Variants in ERBB4 observed in about 807,000 individuals in gnomAD.
The protein encoded by ERBB4 is erb-b2 receptor tyrosine kinase 4.
In ERBB4, 42 loss-of-function variants were observed where a neutral mutation model predicts 158.0. The observed-to-expected ratio is 0.27, with a 90% CI of 0.21 to 0.34. The LOEUF is 0.34. ERBB4 is among the 10% of genes least tolerant of loss of function. ERBB4 has a pLI of 1.00. For synonymous variants in ERBB4, 583 were observed against 558.7 expected, an observed-to-expected ratio of 1.04 and a Z score of -0.61; for missense variants, 1,333 against 1,624.1, an observed-to-expected ratio of 0.82 and a Z score of 3.08.
chr2:211,407,020 C>T (rs1559136445), intron 25 of ERBB4, among the ~76,000 whole-genome samples: 1 of 151,988 alleles, frequency 6.6e-6, no homozygotes, highest in Non-Finnish European at 1.5e-5. Flanking sequence ...GGGGAGGTTG[C>T]AGTGAGCTGA....
intron 20 of ERBB4, among the ~76,000 whole-genome samples, chr2:211,472,795 A>G (rs774644724): frequency 2.0e-5 from 3 of 152,020 alleles, no homozygotes; most frequent in Admixed American, 6.6e-5. Flanking sequence ...GTGAATCGGA[A>G]TCACCTACGG....
intron 5 of ERBB4, among the ~76,000 whole-genome samples, chr2:211,733,476 A>T (rs921297400): frequency 6.8e-6 from 1 of 147,524 alleles, no homozygotes; most frequent in Non-Finnish European, 1.5e-5. Flanking sequence ...GAATATTTTT[A>T]AAAATTAGAA....
intron 2 of ERBB4, among the ~76,000 whole-genome samples, chr2:212,055,376 G>A (rs144461885): frequency 0.01 from 1,591 of 152,142 alleles, 14 homozygotes; most frequent in Non-Finnish European, 0.013. Context: ...TGGGGGCAGG[G>A]CATAGCCAAA....
chr2:211,506,068 TTAAAG>T (rs2065741186), intron 20 of ERBB4, among the ~76,000 whole-genome samples: 1 of 151,558 alleles, frequency 6.6e-6, no homozygotes. Flanking sequence ...CCTAACAGAC[TTAAAG>T]TAAAGGGGTA....
At chr2:212,149,655 A>G (rs937915085) in intron 1 of ERBB4, among the ~76,000 whole-genome samples, 2 of 152,176 alleles carry the variant, frequency 1.3e-5, no homozygotes, top group Non-Finnish European at 2.9e-5. Context: ...ATGCATACAT[A>G]CAACCCTTCC....
chr2:211,614,863 A>C (rs1047947259), intron 19 of ERBB4, among the ~76,000 whole-genome samples: 3 of 152,120 alleles, frequency 2.0e-5, no homozygotes, highest in African/African-American at 7.2e-5. Context: ...TTTCTTCAGA[A>C]AATAGGATAA....
intron 20 of ERBB4, among the ~76,000 whole-genome samples, chr2:211,469,853 G>A (rs555625295): frequency 1.3e-5 from 2 of 152,218 alleles, no homozygotes; most frequent in South Asian, 2.1e-4. Context: ...AGAACAAAGA[G>A]GTTGCTCAAA....
chr2:211,433,537 C>T (rs182449179), intron 20 of ERBB4, among the ~76,000 whole-genome samples: 5 of 150,128 alleles, frequency 3.3e-5, no homozygotes, highest in Non-Finnish European at 5.9e-5. Context: ...GCCAAGATGG[C>T]GCCACTGCAC....
chr2:211,712,632 TA>T (rs2073742955), intron 8 of ERBB4, among the ~76,000 whole-genome samples: 1 of 152,176 alleles, frequency 6.6e-6, no homozygotes, highest in Non-Finnish European at 1.5e-5. Context: ...AACAGTGGTC[TA>T]ATGGAGAATA....
At chr2:212,042,179 A>G (rs2077157101) in intron 2 of ERBB4, among the ~76,000 whole-genome samples, 1 of 152,128 alleles carries the variant, frequency 6.6e-6, no homozygotes, top group Non-Finnish European at 1.5e-5. Flanking sequence ...TTGAAGAAAT[A>G]AATCGGCATT....
intron 2 of ERBB4, among the ~76,000 whole-genome samples, chr2:211,988,982 A>G (rs1422908085): frequency 6.6e-6 from 1 of 151,966 alleles, no homozygotes; most frequent in African/African-American, 2.4e-5. Flanking sequence ...CTCTTCTTTA[A>G]CAGAAACTCT....
intron 3 of ERBB4, among the ~76,000 whole-genome samples, chr2:211,815,798 T>C (rs6757087): frequency 6.6e-6 from 1 of 151,940 alleles, no homozygotes; most frequent in African/African-American, 2.4e-5. Flanking sequence ...TATAATCATC[T>C]GCCAGCGCAG....
At chr2:212,111,644 A>G (rs142675873) in intron 2 of ERBB4, among the ~76,000 whole-genome samples, 2 of 145,136 alleles carry the variant, frequency 1.4e-5, no homozygotes, top group African/African-American at 2.5e-5. Context: ...TTTTTTTTTT[A>G]TAATTAACTC....
At chr2:211,512,765 C>T (rs2065913607) in intron 20 of ERBB4, among the ~76,000 whole-genome samples, 1 of 152,056 alleles carries the variant, frequency 6.6e-6, no homozygotes, top group Non-Finnish European at 1.5e-5. Context: ...GCAGGTCTCC[C>T]ACTGCCATGT....
chr2:212,402,008 C>T (rs978399757), intron 1 of ERBB4, among the ~76,000 whole-genome samples: 4 of 152,096 alleles, frequency 2.6e-5, no homozygotes, highest in Admixed American at 1.3e-4. Flanking sequence ...ATTGTATTCT[C>T]GGCCATTTAT....
Position 212,374,051 on chromosome 2 carries a change from T to TATCC in ERBB4, c.82+164397_82+164398insGGAT, listed in dbSNP as rs2090229097. Among the ~76,000 whole-genome samples the TATCC allele has an allele frequency of 2.4e-5, 3 of 126,352 alleles. 1 individual carries two copies. Among genetic ancestry groups the TATCC allele is most frequent in the African/African-American group, 8.4e-5 (3 of 35,582 alleles). The allele number at this position is 126,352 out of a possible 152,430, so 82.9% of individuals were successfully genotyped here. On this transcript the variant is annotated intron_variant, in intron 1 of 27. Transcript: ENST00000342788. Reference sequence around the variant, plus strand: ...ATATATATCCATATATATCCATATATATATATCCATATATATCCATATATA... The same window carrying TATCC: ...ATATATATCCATATATATCCATATATATCCATATATCCATATATATCCATATATA...
intron 5 of ERBB4, among the ~76,000 whole-genome samples, chr2:211,742,253 T>G (rs1007493575): frequency 2.0e-5 from 3 of 152,326 alleles, no homozygotes; most frequent in South Asian, 2.1e-4. Flanking sequence ...TAAACAACAT[T>G]TGTTCCACAA....
intron 2 of ERBB4, among the ~76,000 whole-genome samples, chr2:212,116,656 A>T (rs1339581941): frequency 6.6e-6 from 1 of 152,170 alleles, no homozygotes; most frequent in Non-Finnish European, 1.5e-5. Context: ...TATGTTACCC[A>T]AACTTTTGGT....
At chr2:212,238,214 C>T (rs1284408206) in intron 1 of ERBB4, among the ~76,000 whole-genome samples, 1 of 152,178 alleles carries the variant, frequency 6.6e-6, no homozygotes, top group Non-Finnish European at 1.5e-5. Flanking sequence ...GGCATAGGCA[C>T]CCAAGGGAAT....
Sources: allele counts gnomAD v4.1 joint callset (sites outside exome capture counted in the v4.1 genomes callset), GRCh38; gene constraint gnomAD v4.1.1; transcripts MANE v1.5; gene names NCBI Gene and HGNC (gene_info 2026-07-23, HGNC 2026-07-21).